CDH16: variants seen among roughly 807,000 people sequenced by gnomAD.
CDH16 encodes the protein cadherin-16.
In CDH16, 79 loss-of-function variants were observed where a neutral mutation model predicts 87.6. The observed-to-expected ratio is 0.90, with a 90% CI of 0.75 to 1.09. CDH16 has a LOEUF of 1.09. Ranked by LOEUF, CDH16 falls within the 50% of genes least tolerant of loss-of-function variation. CDH16 has a pLI of 0.00. For missense variants in CDH16, 1,124 were observed against 1,071.7 expected (o/e 1.05, Z -0.68); for synonymous variants, 457 against 439.5 (o/e 1.04, Z -0.50).
intron 12 of CDH16, 41 bp from the exon 13 acceptor site, chr16:66,912,181 A>G: frequency 1.2e-6 from 2 of 1,604,132 alleles, no homozygotes; most frequent in Non-Finnish European, 1.7e-6. Flanking sequence ...GGCCTGGGCA[A>G]GGCACATGTG....
At position 66,912,133 on chromosome 16, in the gene CDH16, C is replaced by T. The variant is rs1341948828; in HGVS notation, c.1556G>A (p.Ser519Asn). 4.3e-6 allele frequency: 7 copies of T among 1,611,738 alleles called. No individual in the cohort carries two copies. The East Asian group carries it at 1.6e-4, about 36-fold the overall frequency. The change falls in exon 13 of 18, where the codon AGT becomes AAT. Residue 519 changes from serine (S) to asparagine (N), a missense_variant. Physicochemically the swap from Ser to Asn is conservative, Grantham distance 46. Transcript: ENST00000299752. ...HVRLRLCKNL[S>N]YEAAPSHEVV... ...CTCATGACTTGGAGCTGCCTCATAA[C>T]TGAGGTTCTGGAACCAGGAGGCCCA...
Position 66,909,363 on chromosome 16 carries a change from C to A in CDH16, c.2296G>T (p.Val766Leu). Residue 766 changes from valine (V) to leucine (L), a missense_variant, in exon 17 of 18, where the codon GTG (valine) becomes TTG (leucine). Coordinates refer to ENST00000299752, the MANE Select transcript of CDH16 (RefSeq NM_004062.4). This position sits in a 1 kb window ranked among gnomAD's most constrained non-coding sequence, Gnocchi z 4.1. ...LVRVIVCRCN[V>L]EGQCMRKVGR... Reference sequence around the variant, plus strand: ...ACCTTGCGCATGCACTGCCCCTCCACGTTGCAGCGACACACGATCACTGAG... The same window carrying A: ...ACCTTGCGCATGCACTGCCCCTCCAAGTTGCAGCGACACACGATCACTGAG... The A allele has an allele frequency of 7.2e-7, 1 of 1,397,502 alleles. No homozygotes were observed. The highest frequency in any genetic ancestry group is 9.6e-7 in the Non-Finnish European group (1 of 1,044,506). The allele number at this position is 1,397,502 out of a possible 1,614,324, so 86.6% of individuals were successfully genotyped here. A position where few individuals can be genotyped will look rare whatever the true frequency, so the allele number is the denominator to read the frequency against.
chr16:66,912,309 T>A lies in CDH16; in HGVS notation c.1481A>T (p.Asp494Val). 1 of 1,614,102 alleles carries A rather than the reference T, an allele frequency of 6.2e-7. No individual in the cohort carries two copies. The change falls in exon 12 of 18, where the codon GAC becomes GTC. Residue 494 changes from aspartate (D) to valine (V), a missense_variant. Asp to Val is a radical substitution (Grantham distance 152). Transcript: ENST00000299752. ...ATCCAGGCCAAAAGTCCCTTCTGTG[T>A]CTCCCCTCTCAATGGCAAAATCCAT... Reference protein sequence around the residue: ...RLMDFAIERGDTEGTFGLDWE... With the variant: ...RLMDFAIERGVTEGTFGLDWE...
In CDH16 at chr16:66,910,252, C is replaced by T. The variant is rs1389390463; in HGVS notation, c.2167+8G>A. 2 of 1,585,926 alleles carry T rather than the reference C, an allele frequency of 1.3e-6. No individual in the cohort carries two copies. The highest frequency in any genetic ancestry group is 1.7e-6 in the Non-Finnish European group (2 of 1,163,908). The stretch of plus-strand genomic sequence containing the variant: ...GCCACAGCCTCCCTCCCTTTCCCCA[C>T]CACACACCATTGAGAGTCTGGAGGC... On this transcript the variant is annotated splice_region_variant and intron_variant, in intron 15 of 17. Transcript: ENST00000299752.
chr16:66,917,788 C>T (rs1962752612), intron 2 of CDH16, 63 bp from the exon 3 acceptor site: 2 of 1,413,882 alleles, frequency 1.4e-6, no homozygotes, highest in Non-Finnish European at 2.0e-6. Context: ...TGAGACCCAA[C>T]AGAAGAGCGG....
In CDH16 at chr16:66,912,847, CG is replaced by C; in HGVS notation, c.1098del (p.Gly367AlafsTer12). ...TRLSAEDADA[P>X]GSPNSHVVYQ... ...TACACAACGTGGGAATTGGGGGAGC[CG>C]GGGGCATCTGCATCCTCTGCTGACA... is the stretch of plus-strand genomic sequence containing the variant. On this transcript the variant is annotated frameshift_variant, in exon 10 of 18. Transcript: ENST00000299752. LOFTEE classifies it high-confidence loss of function. The C allele has an allele frequency of 1.9e-6, 3 of 1,613,332 alleles. No individual in the cohort carries two copies. The highest frequency in any genetic ancestry group is 1.7e-6 in the Non-Finnish European group (2 of 1,180,002).
chr16:66,917,601 G>T, intron 3 of CDH16, 41 bp downstream of exon 3: 1 of 1,441,192 alleles, frequency 6.9e-7, no homozygotes, highest in Non-Finnish European at 9.7e-7. Flanking sequence ...GACTTTGCGG[G>T]GAGGGATCCC....
At chr16:66,913,393 C>A in intron 8 of CDH16, 98 bp downstream of exon 8, 1 of 1,575,138 alleles carries the variant, frequency 6.3e-7, no homozygotes, top group Non-Finnish European at 8.6e-7. Flanking sequence ...CTCTTTCCCA[C>A]TGCCTCAGCC....
At position 66,911,942 on chromosome 16, in the gene CDH16, G is replaced by GAAA; in HGVS notation, c.1746_1747insTTT (p.Phe582dup). On this transcript the variant is annotated inframe_insertion, in exon 13 of 18. Coordinates refer to ENST00000299752, the MANE Select transcript of CDH16 (RefSeq NM_004062.4). ...GGGTCGGAGGGCTGGATGGTCAGCA[G>GAAA]GAAAGAGCCGGCTGGGGCACTGATG... The GAAA allele has an allele frequency of 6.2e-7, 1 of 1,612,518 alleles. No individual in the cohort carries two copies. The highest frequency in any genetic ancestry group is 1.1e-5 in the South Asian group (1 of 90,986).
At chr16:66,917,386 G>A (rs1404660765) in intron 3 of CDH16, among the ~76,000 whole-genome samples, 1 of 151,958 alleles carries the variant, frequency 6.6e-6, no homozygotes, top group Non-Finnish European at 1.5e-5. Flanking sequence ...TCTAGATTTG[G>A]GTTCCATTCC....
At chr16:66,915,530 A>C in intron 5 of CDH16, 152 bp from the exon 6 acceptor site, 2 of 809,864 alleles carry the variant, frequency 2.5e-6, no homozygotes, top group East Asian at 2.8e-5. Flanking sequence ...TACTTCCCAG[A>C]TGAGCAAACT....
chr16:66,915,465 C>T (rs907031152), intron 5 of CDH16, 87 bp from the exon 6 acceptor site: 15 of 1,418,292 alleles, frequency 1.1e-5, no homozygotes, highest in Non-Finnish European at 1.4e-5. Flanking sequence ...TCTGTCCTTT[C>T]TTCCCTATCC....
Position 66,909,264 on chromosome 16 carries a change from TA to T in CDH16, c.2392+2del. The T allele has an allele frequency of 6.3e-7, 1 of 1,588,158 alleles. No homozygotes were observed. The highest frequency in any genetic ancestry group is 8.6e-7 in the Non-Finnish European group (1 of 1,156,316). ...CACGCAGGTAATGTCCAACCTCCAT[TA>T]CCTATTGCTACCAGGGTGCCTACAA... is the stretch of plus-strand genomic sequence containing the variant. On this transcript the variant is annotated splice_donor_variant, in intron 17 of 17. Transcript: ENST00000299752. LOFTEE classifies it high-confidence loss of function. This position sits in a 1 kb window ranked among gnomAD's most constrained non-coding sequence, Gnocchi z 4.1.
rs554934105 is a variant in CDH16, at chr16:66,914,757, G to C, written c.584-345C>G. Among the ~76,000 whole-genome samples, 15 of 152,286 alleles carry C rather than the reference G, an allele frequency of 9.8e-5. No individual in the cohort carries two copies. In the East Asian group the frequency reaches 2.9e-3, roughly 29 times the overall value. On this transcript the variant is annotated intron_variant, in intron 6 of 17. Transcript: ENST00000299752. ...TGGGAGTTTGAGTGTGTGAATAGGA[G>C]AGTGTTTGGATGAGTGATGGGAGGT...
Position 66,914,451 on chromosome 16 carries a change from G to A in CDH16, c.584-39C>T, listed in dbSNP as rs776024053. On this transcript the variant is annotated intron_variant, in intron 6 of 17. Transcript: ENST00000299752. ...GATGGTCAGCTGAGCAGGCAGCCAGGGAGCAGGGGCCAGGGCATCATTCTC... is the reference window on the plus strand; with the variant it reads ...GATGGTCAGCTGAGCAGGCAGCCAGAGAGCAGGGGCCAGGGCATCATTCTC... 8 of 1,502,936 alleles carry A rather than the reference G, an allele frequency of 5.3e-6. No homozygotes were observed. In the Admixed American group the frequency reaches 1.0e-4, roughly 19 times the overall value. The allele number at this position is 1,502,936 out of a possible 1,614,324, so 93.1% of individuals were successfully genotyped here. A position where few individuals can be genotyped will look rare whatever the true frequency, so the allele number is the denominator to read the frequency against.
intron 11 of CDH16, 30 bp from the exon 12 acceptor site, chr16:66,912,460 C>G (rs556059257): frequency 6.2e-7 from 1 of 1,614,014 alleles, no homozygotes; most frequent in African/African-American, 1.3e-5. Flanking sequence ...GGTGAGCCCC[C>G]CACCAGCATC....
Position 66,912,870 on chromosome 16 carries a change from G to A in CDH16, c.1076C>T (p.Ser359Leu). 1.2e-6 allele frequency: 2 copies of A among 1,611,952 alleles called. No individual in the cohort carries two copies. Among genetic ancestry groups the A allele is most frequent in the Non-Finnish European group, 1.7e-6 (2 of 1,179,948 alleles). ...SPPGTEVTRL[S>L]AEDADAPGSP... ...GCCGGGGGCATCTGCATCCTCTGCT[G>A]ACAGTCTAGTCACTTCAGTACCTGC... The change falls in exon 10 of 18, where the codon TCA (serine) becomes TTA (leucine). Residue 359 changes from serine (S) to leucine (L), a missense_variant. Coordinates refer to ENST00000299752, the MANE Select transcript of CDH16 (RefSeq NM_004062.4).
Position 66,909,473 on chromosome 16 carries a change from G to T in CDH16, c.2276-90C>A. 1 of 825,252 alleles carries T rather than the reference G, an allele frequency of 1.2e-6. No individual in the cohort carries two copies. Among genetic ancestry groups the T allele is most frequent in the Non-Finnish European group, 2.0e-6 (1 of 502,670 alleles). 51.1% of individuals were successfully genotyped at this position (825,252 alleles called of 1,614,324 possible). A position where few individuals can be genotyped will look rare whatever the true frequency, so the allele number is the denominator to read the frequency against. On this transcript the variant is annotated intron_variant, in intron 16 of 17. Coordinates refer to ENST00000299752, the MANE Select transcript of CDH16 (RefSeq NM_004062.4). The surrounding 1 kb of genome is among the most constrained non-coding windows in gnomAD (Gnocchi z 4.1). ...CAGCCCAGCCACCTGGCTGATATGT[G>T]TGTGTTTCTGCACATGTGTGTATTC... is the stretch of plus-strand genomic sequence containing the variant.
Position 66,911,974 on chromosome 16 carries a change from C to A in CDH16, c.1715G>T (p.Ser572Ile), listed in dbSNP as rs1367555173. The change falls in exon 13 of 18, where the codon AGT (serine) becomes ATT (isoleucine). Residue 572 changes from serine to isoleucine, a missense_variant. Transcript: ENST00000299752. ...GCCGGCTGGGGCACTGATGGGGACA[C>A]TGGCCTCGTAGCTCTCCTGGTCCAA... ...PKLDQESYEA[S>I]VPISAPAGSF... is the part of the protein sequence containing the mutation. 6.2e-7 allele frequency: 1 copy of A among 1,613,984 alleles called. No individual in the cohort carries two copies. The highest frequency in any genetic ancestry group is 8.5e-7 in the Non-Finnish European group (1 of 1,179,988).
Sources: allele counts gnomAD v4.1 joint callset (sites outside exome capture counted in the v4.1 genomes callset), GRCh38; gene constraint gnomAD v4.1.1; non-coding constraint Gnocchi (gnomAD v3.1); transcripts MANE v1.5; gene names NCBI Gene and HGNC (gene_info 2026-07-23, HGNC 2026-07-21).